Variants in LRRC4C observed in about 807,000 individuals in gnomAD.
LRRC4C encodes leucine rich repeat containing 4C.
In LRRC4C, 5 loss-of-function variants were observed where a neutral mutation model predicts 33.6. The observed-to-expected ratio is 0.15, with a 90% CI of 0.08 to 0.31. The LOEUF (loss-of-function observed/expected upper bound fraction) is 0.31, where lower values mean the gene tolerates loss of function less well. Ranked by LOEUF, LRRC4C falls within the 10% of genes least tolerant of loss-of-function variation. The pLI, the probability that LRRC4C is intolerant of heterozygous loss-of-function variation, is 1.00. For synonymous variants in LRRC4C, 329 were observed against 302.0 expected (o/e 1.09, Z -0.93); for missense variants, 560 against 796.7 (o/e 0.70, Z 3.58).
intron 1 of LRRC4C, among the ~76,000 whole-genome samples, chr11:41,350,509 C>CAAACAAAAA (rs1951944835): frequency 9.4e-6 from 1 of 106,470 alleles, no homozygotes; most frequent in Non-Finnish European, 1.9e-5. Context: ...GACTCCATCT[C>CAAACAAAAA]AAAAAAAAAA....
chr11:40,387,673 A>G (rs1949164137), intron 3 of LRRC4C, among the ~76,000 whole-genome samples: 2 of 152,174 alleles, frequency 1.3e-5, no homozygotes, highest in South Asian at 2.1e-4. Context: ...TCATATTTGT[A>G]TCAAAAGAGA....
At chr11:40,767,817 A>AT (rs1313410419) in intron 2 of LRRC4C, among the ~76,000 whole-genome samples, 2 of 152,022 alleles carry the variant, frequency 1.3e-5, no homozygotes, top group Non-Finnish European at 2.9e-5. Flanking sequence ...GATTCAATGC[A>AT]TTTATTACCA....
chr11:41,374,795 T>C (rs1302755597), intron 1 of LRRC4C, among the ~76,000 whole-genome samples: 1 of 152,154 alleles, frequency 6.6e-6, no homozygotes, highest in Admixed American at 6.6e-5. Context: ...GAGGGTTGTA[T>C]GTAGAAATAT....
At chr11:40,332,162 G>T (rs1243726931) in intron 3 of LRRC4C, among the ~76,000 whole-genome samples, 1 of 152,158 alleles carries the variant, frequency 6.6e-6, no homozygotes, top group Non-Finnish European at 1.5e-5. Context: ...GCTTAAAACA[G>T]CAGCAATTTA....
chr11:40,668,175 T>C (rs2136253201), intron 2 of LRRC4C, among the ~76,000 whole-genome samples: 1 of 152,340 alleles, frequency 6.6e-6, no homozygotes, highest in East Asian at 1.9e-4. Context: ...AATTTCTAGT[T>C]ATAAATATGT....
intron 3 of LRRC4C, among the ~76,000 whole-genome samples, chr11:40,615,272 AC>A (rs1301757819): frequency 1.8e-5 from 1 of 54,748 alleles, no homozygotes; most frequent in African/African-American, 3.9e-5. Context: ...ATATACACAC[AC>A]ACACACATAT....
intron 1 of LRRC4C, among the ~76,000 whole-genome samples, chr11:41,250,400 G>A (rs7105234): frequency 0.42 from 63,912 of 152,072 alleles, 14,751 homozygotes; most frequent in Non-Finnish European, 0.52. Flanking sequence ...TCAGCAGAGA[G>A]AAGAGTTTCA....
At chr11:40,377,034 A>G (rs1442219169) in intron 3 of LRRC4C, among the ~76,000 whole-genome samples, 1 of 152,140 alleles carries the variant, frequency 6.6e-6, no homozygotes, top group African/African-American at 2.4e-5. Flanking sequence ...CCAAAATAAC[A>G]TTTGAAAATC....
chr11:40,139,867 G>A (rs539381629), intron 6 of LRRC4C, among the ~76,000 whole-genome samples: 2 of 152,288 alleles, frequency 1.3e-5, no homozygotes, highest in Admixed American at 6.5e-5. Context: ...CTGGGGGTCC[G>A]AAGAAACATG....
chr11:41,349,937 G>T (rs7951652), intron 1 of LRRC4C, among the ~76,000 whole-genome samples: 2,578 of 152,088 alleles, frequency 0.017, 71 homozygotes, highest in African/African-American at 0.058. Flanking sequence ...AATTCTGGTG[G>T]CATTGCTTTA....
At chr11:41,076,500 G>A (rs2135456350) in intron 1 of LRRC4C, among the ~76,000 whole-genome samples, 1 of 152,274 alleles carries the variant, frequency 6.6e-6, no homozygotes, top group Middle Eastern at 3.4e-3. Context: ...TGAAGTGGGA[G>A]GTGCTACACA....
chr11:40,920,674 A>AT (rs1348453573), intron 2 of LRRC4C, among the ~76,000 whole-genome samples: 1 of 152,084 alleles, frequency 6.6e-6, no homozygotes, highest in Non-Finnish European at 1.5e-5. Context: ...CAATTCACCC[A>AT]TTTATCTCAG....
intron 3 of LRRC4C, among the ~76,000 whole-genome samples, chr11:40,540,571 C>A (rs1956665799): frequency 6.6e-6 from 1 of 152,088 alleles, no homozygotes; most frequent in Non-Finnish European, 1.5e-5. Flanking sequence ...CTGACACCTC[C>A]ACCTGCAGAG....
rs557897951 is a variant in LRRC4C, at chr11:40,454,910, T to C, written c.-269-135189A>G. ...TATCAGTAATAAAGCTTACATGTGT[T>C]TCCTGCTTCAGTTTTCAGATAGTTC... is the stretch of plus-strand genomic sequence containing the variant. On this transcript the variant is annotated intron_variant, in intron 3 of 6. Transcript: ENST00000528697. Among the ~76,000 whole-genome samples the C allele has an allele frequency of 4.7e-4, 71 of 152,246 alleles. 1 individual carries two copies. In the South Asian group the frequency reaches 0.013, roughly 29 times the overall value.
intron 1 of LRRC4C, among the ~76,000 whole-genome samples, chr11:41,311,597 A>G (rs1052051690): frequency 1.3e-5 from 2 of 152,230 alleles, no homozygotes. Flanking sequence ...GCCATTTTGT[A>G]ATGACTTAAC....
chr11:40,728,548 C>A (rs572585363), intron 2 of LRRC4C, among the ~76,000 whole-genome samples: 1 of 148,184 alleles, frequency 6.7e-6, no homozygotes, highest in South Asian at 2.1e-4. Flanking sequence ...ATGGTATGAA[C>A]CAGAGAGGCG....
intron 1 of LRRC4C, among the ~76,000 whole-genome samples, chr11:41,377,461 C>A (rs1361238893): frequency 6.6e-6 from 1 of 152,110 alleles, no homozygotes; most frequent in South Asian, 2.1e-4. Flanking sequence ...TGGACAGTTC[C>A]ACCAGTACCA....
chr11:41,064,256 T>C (rs146242130), intron 1 of LRRC4C, among the ~76,000 whole-genome samples: 3 of 152,342 alleles, frequency 2.0e-5, no homozygotes, highest in African/African-American at 7.2e-5. Context: ...TATATGAGGT[T>C]AATCTCTTAT....
rs533382279 is a variant in LRRC4C, at chr11:41,235,086, G to C, written c.-496+224345C>G. On this transcript the variant is annotated intron_variant, in intron 1 of 6. Transcript: ENST00000528697. The stretch of plus-strand genomic sequence containing the variant: ...TGGATAAAAAAAAGAGGACTCCAAG[G>C]TAAAGTCTAAGAATGGATCTGAAAT... 4.6e-5 allele frequency among the ~76,000 whole-genome samples: 7 copies of C among 152,042 alleles called. No homozygotes were observed. In the South Asian group the frequency reaches 1.5e-3, roughly 32 times the overall value.
Sources: gnomAD v4.1 joint callset for allele counts (sites outside exome capture counted in the v4.1 genomes callset) on GRCh38, gnomAD v4.1.1 for gene constraint, MANE v1.5 for transcripts, NCBI Gene and HGNC (gene_info 2026-07-23, HGNC 2026-07-21) for gene names.